Variants in MAGI2 observed in about 807,000 individuals in gnomAD.
MAGI2 encodes the protein membrane-associated guanylate kinase, WW and PDZ domain-containing protein 2.
Under a neutral mutation model 133.3 loss-of-function variants are expected in MAGI2, and 35 were observed. That is an observed-to-expected ratio of 0.26 (90% confidence interval 0.20 to 0.35). The LOEUF is 0.35. MAGI2 is among the 10% of genes least tolerant of loss of function. MAGI2 has a pLI of 1.00. For missense variants in MAGI2, 1,636 were observed against 1,863.4 expected (o/e 0.88, Z 2.25); for synonymous variants, 729 against 710.6 (o/e 1.03, Z -0.41).
intron 9 of MAGI2, among the ~76,000 whole-genome samples, chr7:78,310,574 A>G (rs1444880703): frequency 6.6e-6 from 1 of 152,188 alleles, no homozygotes; most frequent in East Asian, 1.9e-4. Context: ...AACATATTGA[A>G]ATGATGTTTA....
At chr7:79,218,365 T>G (rs1021226089) in intron 1 of MAGI2, among the ~76,000 whole-genome samples, 1 of 152,014 alleles carries the variant, frequency 6.6e-6, no homozygotes, top group African/African-American at 2.4e-5. Context: ...TGAGAATAAA[T>G]CTGTAAGTTT....
At chr7:78,995,490 T>C (rs1427438937) in intron 2 of MAGI2, among the ~76,000 whole-genome samples, 5 of 152,154 alleles carry the variant, frequency 3.3e-5, no homozygotes. Flanking sequence ...AAGAGGTTCA[T>C]GTTAAGATGA....
In MAGI2 at chr7:79,238,035, T is replaced by C. The variant is rs373872331; in HGVS notation, c.301+214985A>G. On this transcript the variant is annotated intron_variant, in intron 1 of 21. Coordinates refer to ENST00000354212, the MANE Select transcript of MAGI2 (RefSeq NM_012301.4). ...CAGGTTTAGTTAAACTAATAGGTGC[T>C]CTTGAAATTAGGATTTTCAGTATTT... is the stretch of plus-strand genomic sequence containing the variant. Among the ~76,000 whole-genome samples the C allele has an allele frequency of 1.3e-3, 194 of 152,314 alleles. 2 individuals carry two copies. The South Asian group carries it at 0.039, about 31-fold the overall frequency.
chr7:78,161,667 T>TAAAAAAAAAAAAAAAAAAAAAAAA lies in MAGI2; in HGVS notation c.2597-1395_2597-1394insTTTTTTTTTTTTTTTTTTTTTTTT, dbSNP rs71515391. ...AGAGACGTTTTGTTACATCGATACC[T>TAAAAAAAAAAAAAAAAAAAAAAAA]AAAAAAAAAAAAAAAAAAAAGAAAA... On this transcript the variant is annotated intron_variant, in intron 15 of 21. Coordinates refer to ENST00000354212, the MANE Select transcript of MAGI2 (RefSeq NM_012301.4). Among the ~76,000 whole-genome samples the TAAAAAAAAAAAAAAAAAAAAAAAA allele has an allele frequency of 1.1e-3, 77 of 68,906 alleles. 9 individuals are homozygous for TAAAAAAAAAAAAAAAAAAAAAAAA. Among genetic ancestry groups the TAAAAAAAAAAAAAAAAAAAAAAAA allele is most frequent in the East Asian group, 4.3e-3 (8 of 1,866 alleles). The allele number at this position is 68,906 out of a possible 152,430, so 45.2% of individuals were successfully genotyped here. A position where few individuals can be genotyped will look rare whatever the true frequency, so the allele number is the denominator to read the frequency against.
At position 78,917,941 on chromosome 7, in the gene MAGI2, G is replaced by A. The variant is rs1258633277; in HGVS notation, c.418+89149C>T. Reference sequence around the variant, plus strand: ...GAGCTTCCATGCCCTCTTAGGGCATGCCACCATCTTAGTACCTCTACGTGT... The same window carrying A: ...GAGCTTCCATGCCCTCTTAGGGCATACCACCATCTTAGTACCTCTACGTGT... On this transcript the variant is annotated intron_variant, in intron 2 of 21. Coordinates refer to ENST00000354212, the MANE Select transcript of MAGI2 (RefSeq NM_012301.4). 2.0e-5 allele frequency among the ~76,000 whole-genome samples: 3 copies of A among 152,294 alleles called. No homozygotes were observed. In the East Asian group the frequency reaches 5.8e-4, roughly 29 times the overall value.
intron 3 of MAGI2, among the ~76,000 whole-genome samples, chr7:78,572,688 G>C (rs908449672): frequency 1.3e-5 from 2 of 151,880 alleles, no homozygotes; most frequent in Non-Finnish European, 2.9e-5. Context: ...TTGAGACAGA[G>C]TTTCGCTCTT....
intron 1 of MAGI2, among the ~76,000 whole-genome samples, chr7:79,020,429 A>G (rs569739125): frequency 7.9e-5 from 12 of 152,130 alleles, no homozygotes; most frequent in Non-Finnish European, 1.0e-4. Flanking sequence ...AGAAACACCC[A>G]TTTTCTGAGG....
intron 6 of MAGI2, among the ~76,000 whole-genome samples, chr7:78,391,428 G>T (rs1795890984): frequency 6.6e-6 from 1 of 152,116 alleles, no homozygotes; most frequent in South Asian, 2.1e-4. Context: ...ATATTTGGAA[G>T]CCTATTTCAT....
chr7:78,965,334 G>T (rs1803216363), intron 2 of MAGI2, among the ~76,000 whole-genome samples: 1 of 151,454 alleles, frequency 6.6e-6, no homozygotes, highest in African/African-American at 2.4e-5. Flanking sequence ...TCAAAAGGTA[G>T]AATTTTTTTT....
At chr7:78,173,007 C>A (rs1339974555) in intron 14 of MAGI2, among the ~76,000 whole-genome samples, 1 of 152,138 alleles carries the variant, frequency 6.6e-6, no homozygotes, top group African/African-American at 2.4e-5. Context: ...TGTTAACTTG[C>A]AGCATGAATA....
intron 2 of MAGI2, among the ~76,000 whole-genome samples, chr7:78,666,921 T>C (rs926287351): frequency 6.6e-6 from 1 of 152,188 alleles, no homozygotes; most frequent in African/African-American, 2.4e-5. Flanking sequence ...ATTGCCATTC[T>C]TTATGAAATG....
At chr7:78,477,891 G>A (rs1791943835) in intron 6 of MAGI2, among the ~76,000 whole-genome samples, 1 of 151,124 alleles carries the variant, frequency 6.6e-6, no homozygotes, top group South Asian at 2.1e-4. Flanking sequence ...CTTTCTTATG[G>A]GTTTTAAATA....
At chr7:78,360,018 G>A (rs981364046) in intron 7 of MAGI2, among the ~76,000 whole-genome samples, 2 of 152,196 alleles carry the variant, frequency 1.3e-5, no homozygotes, top group African/African-American at 4.8e-5. Flanking sequence ...AACATTCCCT[G>A]CATATTGATA....
At chr7:78,697,979 G>T (rs771989518) in intron 2 of MAGI2, among the ~76,000 whole-genome samples, 3 of 152,142 alleles carry the variant, frequency 2.0e-5, no homozygotes, top group Admixed American at 6.5e-5. Context: ...ATTTCTTTAG[G>T]ATGTTAGGAG....
chr7:79,246,920 T>C (rs1233302067), intron 1 of MAGI2, among the ~76,000 whole-genome samples: 1 of 151,968 alleles, frequency 6.6e-6, no homozygotes, highest in Non-Finnish European at 1.5e-5. Flanking sequence ...AAAGAAACAA[T>C]AACATCCAAT....
chr7:78,879,081 A>T (rs1364333219), intron 2 of MAGI2, among the ~76,000 whole-genome samples: 1 of 152,094 alleles, frequency 6.6e-6, no homozygotes, highest in Non-Finnish European at 1.5e-5. Context: ...CCCCACCCCC[A>T]CAGAGAACTT....
At chr7:78,786,572 A>T (rs562724093) in intron 2 of MAGI2, among the ~76,000 whole-genome samples, 2 of 152,276 alleles carry the variant, frequency 1.3e-5, no homozygotes, top group Non-Finnish European at 2.9e-5. Context: ...AGCCCTTCTA[A>T]AACAGCAAGC....
intron 9 of MAGI2, among the ~76,000 whole-genome samples, chr7:78,273,942 C>T (rs1335909201): frequency 1.3e-5 from 2 of 152,104 alleles, no homozygotes; most frequent in East Asian, 1.9e-4. Context: ...TCTGTCAGTT[C>T]GTCAAACTCA....
At chr7:78,389,162 A>G (rs1435937227) in intron 6 of MAGI2, among the ~76,000 whole-genome samples, 11 of 152,208 alleles carry the variant, frequency 7.2e-5, no homozygotes, top group Admixed American at 4.6e-4. Flanking sequence ...ACATGTACTC[A>G]GCAACTTAAT....
Sources: gnomAD v4.1 joint callset for allele counts (sites outside exome capture counted in the v4.1 genomes callset) on GRCh38, gnomAD v4.1.1 for gene constraint, MANE v1.5 for transcripts, NCBI Gene and HGNC (gene_info 2026-07-23, HGNC 2026-07-21) for gene names.